HS3ST5: variants seen among roughly 807,000 people sequenced by gnomAD.
HS3ST5 encodes heparan sulfate glucosamine 3-O-sulfotransferase 5.
HS3ST5 carries 10 observed loss-of-function variants against 25.4 expected under a neutral mutation model. The observed-to-expected ratio is 0.39, with a 90% CI of 0.24 to 0.67. The LOEUF is 0.67. Among genes scored for constraint, HS3ST5 ranks in the 30% least tolerant of loss-of-function variants. The pLI is 0.44. For missense variants in HS3ST5, 324 were observed against 420.7 expected, an observed-to-expected ratio of 0.77 and a Z score of 2.01; for synonymous variants, 170 against 162.4, an observed-to-expected ratio of 1.05 and a Z score of -0.36.
chr6:114,215,648 C>T (rs1781724209), intron 2 of HS3ST5, among the ~76,000 whole-genome samples: 1 of 152,028 alleles, frequency 6.6e-6, no homozygotes, highest in African/African-American at 2.4e-5. Context: ...TCAAGGCTTC[C>T]TCTCCTTTCC....
intron 3 of HS3ST5, among the ~76,000 whole-genome samples, chr6:114,163,219 A>G (rs1779054724): frequency 6.6e-6 from 1 of 152,198 alleles, no homozygotes; most frequent in Admixed American, 6.5e-5. Context: ...ATTGTAGACT[A>G]TGAAATACAA....
chr6:114,173,795 G>A (rs1456742308), intron 2 of HS3ST5, among the ~76,000 whole-genome samples: 1 of 152,092 alleles, frequency 6.6e-6, no homozygotes, highest in Non-Finnish European at 1.5e-5. Flanking sequence ...GGAGGCAGAG[G>A]TGGCAGTGAG....
rs1362347788 is a variant in HS3ST5, at chr6:114,123,159, G to T, written c.-33+45192C>A. Among the ~76,000 whole-genome samples the T allele has an allele frequency of 3.9e-5, 6 of 152,148 alleles. No individual in the cohort carries two copies. In the East Asian group the frequency reaches 1.2e-3, roughly 29 times the overall value. On this transcript the variant is annotated intron_variant, in intron 3 of 4. Coordinates refer to ENST00000312719, the MANE Select transcript of HS3ST5 (RefSeq NM_153612.4). ...GTAGAGACGGGGTTTCTCCATGTTG[G>T]TCAGGCTGGTCTAAAACTCCCAACC...
At chr6:114,137,356 A>G (rs1007280359) in intron 3 of HS3ST5, among the ~76,000 whole-genome samples, 2 of 152,210 alleles carry the variant, frequency 1.3e-5, no homozygotes, top group Admixed American at 6.5e-5. Flanking sequence ...TCAAGGTGGT[A>G]AGAGAAATAC....
At chr6:114,202,850 A>G (rs184339804) in intron 2 of HS3ST5, among the ~76,000 whole-genome samples, 6 of 152,200 alleles carry the variant, frequency 3.9e-5, no homozygotes, top group Admixed American at 3.9e-4. Context: ...AATTTGATTA[A>G]CTCTCCTCAA....
At chr6:114,235,542 T>C (rs1771815890) in intron 1 of HS3ST5, 1 of 152,260 alleles carries the variant, frequency 6.6e-6, no homozygotes, top group South Asian at 2.1e-4. Context: ...AACTAGAATA[T>C]GATTAGAGAA....
At chr6:114,073,087 C>A (rs112651745) in intron 3 of HS3ST5, among the ~76,000 whole-genome samples, 1 of 152,090 alleles carries the variant, frequency 6.6e-6, no homozygotes, top group African/African-American at 2.4e-5. Flanking sequence ...AACTGGCTAG[C>A]CATATGTAGA....
chr6:114,261,020 G>A (rs1773145928), intron 1 of HS3ST5, among the ~76,000 whole-genome samples: 1 of 152,188 alleles, frequency 6.6e-6, no homozygotes. Flanking sequence ...GATGATGGCT[G>A]TGACGATGAC....
intron 3 of HS3ST5, among the ~76,000 whole-genome samples, chr6:114,102,236 C>A (rs1347063660): frequency 6.6e-6 from 1 of 152,158 alleles, no homozygotes; most frequent in African/African-American, 2.4e-5. Context: ...TGCAGAGTTG[C>A]CTCTACTGCC....
intron 1 of HS3ST5, among the ~76,000 whole-genome samples, chr6:114,247,762 T>G (rs1379546340): frequency 6.6e-6 from 1 of 151,278 alleles, no homozygotes; most frequent in Non-Finnish European, 1.5e-5. Context: ...AATATCCATA[T>G]TTTTTCTGTT....
intron 3 of HS3ST5, among the ~76,000 whole-genome samples, chr6:114,110,640 C>A (rs1194881094): frequency 6.6e-6 from 1 of 152,002 alleles, no homozygotes; most frequent in Non-Finnish European, 1.5e-5. Context: ...AAGAGCTAGG[C>A]TTTATAGGAT....
intron 3 of HS3ST5, among the ~76,000 whole-genome samples, chr6:114,079,416 C>T (rs1419429918): frequency 2.0e-5 from 3 of 152,138 alleles, no homozygotes; most frequent in Non-Finnish European, 2.9e-5. Flanking sequence ...TTCAAGAAAC[C>T]ATTTTCTTTG....
intron 2 of HS3ST5, among the ~76,000 whole-genome samples, chr6:114,189,063 C>T (rs62415804): frequency 0.19 from 29,327 of 151,756 alleles, 2,952 homozygotes; most frequent in Middle Eastern, 0.26. Context: ...TGGTGAAGTA[C>T]ATCCTGTAAG....
At chr6:114,282,770 C>G (rs1313606160) in intron 1 of HS3ST5, among the ~76,000 whole-genome samples, 1 of 151,976 alleles carries the variant, frequency 6.6e-6, no homozygotes, top group African/African-American at 2.4e-5. Flanking sequence ...CCAAGGACCA[C>G]TTTGGTAAGC....
At chr6:114,098,564 A>G (rs967279265) in intron 3 of HS3ST5, among the ~76,000 whole-genome samples, 9 of 148,780 alleles carry the variant, frequency 6.0e-5, no homozygotes, top group Non-Finnish European at 1.3e-4. Flanking sequence ...ATTAAATTAT[A>G]TATTTGAAAA....
intron 3 of HS3ST5, among the ~76,000 whole-genome samples, chr6:114,150,903 G>A (rs569204288): frequency 1.3e-5 from 2 of 152,258 alleles, no homozygotes; most frequent in Admixed American, 1.3e-4. Context: ...AAACTATTTT[G>A]CTTGTTCTTG....
chr6:114,216,236 AC>A (rs909259053), intron 2 of HS3ST5, among the ~76,000 whole-genome samples: 4 of 152,186 alleles, frequency 2.6e-5, no homozygotes, highest in Admixed American at 2.0e-4. Context: ...CACTGGCTAG[AC>A]CCTGGAGTAA....
At chr6:114,316,114 CT>C in intron 1 of HS3ST5, among the ~76,000 whole-genome samples, 2 of 152,294 alleles carry the variant, frequency 1.3e-5, no homozygotes, top group South Asian at 4.1e-4. Context: ...AGGCATGTGA[CT>C]TTTTCTATCA....
intron 1 of HS3ST5, among the ~76,000 whole-genome samples, chr6:114,305,676 T>G (rs1041068639): frequency 6.6e-6 from 1 of 152,170 alleles, no homozygotes. Flanking sequence ...AGTTGCCTTC[T>G]CCTTCTCCTG....
Sources: gnomAD v4.1 joint callset for allele counts (sites outside exome capture counted in the v4.1 genomes callset) on GRCh38, gnomAD v4.1.1 for gene constraint, MANE v1.5 for transcripts, NCBI Gene and HGNC (gene_info 2026-07-23, HGNC 2026-07-21) for gene names.